TNFAIP8: variants seen among roughly 807,000 people sequenced by gnomAD.
TNFAIP8 encodes the protein tumor necrosis factor alpha-induced protein 8.
Under a neutral mutation model 13.3 loss-of-function variants are expected in TNFAIP8, and 7 were observed. The ratio of observed to expected loss-of-function variants is 0.52; its 90% CI spans 0.30 to 0.99. TNFAIP8 has a LOEUF of 0.99. Ranked by LOEUF, TNFAIP8 falls within the 50% of genes least tolerant of loss-of-function variation. The pLI is 0.07. For missense variants in TNFAIP8, 258 were observed against 236.9 expected, an observed-to-expected ratio of 1.09 and a Z score of -0.58; for synonymous variants, 94 against 87.6, an observed-to-expected ratio of 1.07 and a Z score of -0.41.
intron 1 of TNFAIP8, among the ~76,000 whole-genome samples, chr5:119,376,139 A>G (rs12234017): frequency 0.35 from 52,694 of 150,982 alleles, 10,712 homozygotes; most frequent in African/African-American, 0.58. Flanking sequence ...TTTTGAGATG[A>G]AATCTTGCTC....
intron 1 of TNFAIP8, among the ~76,000 whole-genome samples, chr5:119,312,973 A>G (rs1486996589): frequency 3.3e-5 from 5 of 152,154 alleles, no homozygotes; most frequent in Admixed American, 3.3e-4. Flanking sequence ...GCTATCTAAT[A>G]AAAACCGGGA....
At chr5:119,351,909 C>T (rs1244201941), upstream of TNFAIP8, among the ~76,000 whole-genome samples, 1 of 151,676 alleles carries the variant, frequency 6.6e-6, no homozygotes, top group African/African-American at 2.4e-5. Context: ...TCTGCCTCAG[C>T]CTCACAAGTA....
rs756036619 is a variant in TNFAIP8, at chr5:119,373,421, G to A, written c.31+17300G>A. Reference sequence around the variant, plus strand: ...ACTTCAAAACTTTCCTCACCGGGACGTCAAGACAGGCATACAACGGGAAAG... The same window carrying A: ...ACTTCAAAACTTTCCTCACCGGGACATCAAGACAGGCATACAACGGGAAAG... On this transcript the variant is annotated intron_variant, in intron 1 of 1. Coordinates refer to ENST00000504771, the MANE Select transcript of TNFAIP8 (RefSeq NM_014350.4). 4.6e-5 allele frequency among the ~76,000 whole-genome samples: 7 copies of A among 152,182 alleles called. No individual in the cohort carries two copies. The East Asian group carries it at 7.7e-4, about 17-fold the overall frequency.
At chr5:119,342,804 C>G (rs1203452212) in intron 1 of TNFAIP8, among the ~76,000 whole-genome samples, 1 of 152,204 alleles carries the variant, frequency 6.6e-6, no homozygotes, top group African/African-American at 2.4e-5. Flanking sequence ...TCTTCCTCTT[C>G]TTTGGCTGGC....
intron 1 of TNFAIP8, among the ~76,000 whole-genome samples, chr5:119,298,614 T>C (rs1749257008): frequency 6.6e-6 from 1 of 152,086 alleles, no homozygotes; most frequent in African/African-American, 2.4e-5. Flanking sequence ...GGAGTATCTT[T>C]GTGGCATTCT....
intron 1 of TNFAIP8, among the ~76,000 whole-genome samples, chr5:119,341,687 A>G (rs895168763): frequency 6.6e-6 from 1 of 152,252 alleles, no homozygotes; most frequent in Non-Finnish European, 1.5e-5. Context: ...AAAAGAAATC[A>G]TATCTTCACG....
intron 1 of TNFAIP8, among the ~76,000 whole-genome samples, chr5:119,303,012 C>G (rs1480504616): frequency 6.6e-6 from 1 of 152,064 alleles, no homozygotes; most frequent in African/African-American, 2.4e-5. Flanking sequence ...TTGGAAGGAC[C>G]TTTCATGTCT....
rs1339497628 is a variant in TNFAIP8, at chr5:119,394,333, T to C, written c.*952T>C. 6.6e-6 allele frequency: 1 copy of C among 152,192 alleles called. No individual in the cohort carries two copies. Among genetic ancestry groups the C allele is most frequent in the Non-Finnish European group, 1.5e-5 (1 of 68,030 alleles). The allele number at this position is 152,192 out of a possible 1,614,324, so 9.4% of individuals were successfully genotyped here. Reference sequence around the variant, plus strand: ...TAAAGAACATGAGCATAAAAATGCGTGCGTTTCAGTGTTTAAGAAGGCTTG... The same window carrying C: ...TAAAGAACATGAGCATAAAAATGCGCGCGTTTCAGTGTTTAAGAAGGCTTG... On this transcript the variant is annotated 3_prime_UTR_variant, in exon 2 of 2. Transcript: ENST00000504771.
chr5:119,283,221 C>T (rs1364588117), intron 1 of TNFAIP8, among the ~76,000 whole-genome samples: 2 of 152,326 alleles, frequency 1.3e-5, no homozygotes, highest in Non-Finnish European at 2.9e-5. Context: ...TGGGCCATTC[C>T]GACTTTTTCT....
At chr5:119,289,395 A>C (rs924654602) in intron 1 of TNFAIP8, among the ~76,000 whole-genome samples, 4 of 152,188 alleles carry the variant, frequency 2.6e-5, no homozygotes, top group Admixed American at 6.5e-5. Flanking sequence ...AAGAAGACCT[A>C]AGAGGACTGT....
At chr5:119,271,736 G>C (rs1179381211) in intron 1 of TNFAIP8, among the ~76,000 whole-genome samples, 1 of 152,154 alleles carries the variant, frequency 6.6e-6, no homozygotes, top group Non-Finnish European at 1.5e-5. Context: ...AGGGATCTCT[G>C]GCTCTGATAC....
chr5:119,371,833 GC>G (rs1457411636), intron 1 of TNFAIP8, among the ~76,000 whole-genome samples: 1 of 152,020 alleles, frequency 6.6e-6, no homozygotes, highest in East Asian at 1.9e-4. Flanking sequence ...ACCAGCCGGG[GC>G]AACATGGCAA....
Position 119,268,790 on chromosome 5 carries a change from C to A in TNFAIP8, c.-117C>A, listed in dbSNP as rs1056739292. The A allele has an allele frequency of 4.3e-6, 3 of 689,844 alleles. No homozygotes were observed. In the Admixed American group the frequency reaches 6.2e-5, roughly 14 times the overall value. The allele number at this position is 689,844 out of a possible 1,614,324, so 42.7% of individuals were successfully genotyped here. On this transcript the variant is annotated 5_prime_UTR_variant, in exon 1 of 2. Coordinates refer to the TNFAIP8 transcript ENST00000274456. ...CTCCTTTTCTCCCGCCGGCTCTAAC[C>A]CGCGCTTGGCTAAGGTCCGCGGGAA...
chr5:119,338,171 C>CAA (rs1053731976), intron 1 of TNFAIP8, among the ~76,000 whole-genome samples: 5 of 113,368 alleles, frequency 4.4e-5, no homozygotes. Context: ...CTTTGACACA[C>CAA]ACACACACAC....
At chr5:119,379,307 A>G (rs1752396781) in intron 1 of TNFAIP8, among the ~76,000 whole-genome samples, 1 of 152,176 alleles carries the variant, frequency 6.6e-6, no homozygotes, top group Non-Finnish European at 1.5e-5. Context: ...CAATACAGAG[A>G]TGAAAAGGCA....
chr5:119,287,622 G>C (rs1258688475), intron 1 of TNFAIP8, among the ~76,000 whole-genome samples: 2 of 151,978 alleles, frequency 1.3e-5, no homozygotes, highest in East Asian at 3.9e-4. Context: ...CCCAGCCCCT[G>C]GCAGCTGCTG....
intron 1 of TNFAIP8, among the ~76,000 whole-genome samples, chr5:119,270,703 A>G (rs1748266746): frequency 6.6e-6 from 1 of 152,250 alleles, no homozygotes; most frequent in African/African-American, 2.4e-5. Flanking sequence ...TTAGGGAAGT[A>G]GACTACCACC....
chr5:119,380,362 G>T (rs1010393022), intron 1 of TNFAIP8, among the ~76,000 whole-genome samples: 3 of 152,222 alleles, frequency 2.0e-5, no homozygotes, highest in Non-Finnish European at 4.4e-5. Flanking sequence ...ACTCTAGTGT[G>T]CTGGATTTTA....
intron 1 of TNFAIP8, among the ~76,000 whole-genome samples, chr5:119,327,454 G>GT (rs978435458): frequency 7.2e-5 from 11 of 151,986 alleles, no homozygotes; most frequent in Admixed American, 2.6e-4. Context: ...ATTGTTTTGG[G>GT]TTTTTTTGTT....
Sources: allele counts gnomAD v4.1 joint callset (sites outside exome capture counted in the v4.1 genomes callset), GRCh38; gene constraint gnomAD v4.1.1; transcripts MANE v1.5; gene names NCBI Gene and HGNC (gene_info 2026-07-23, HGNC 2026-07-21).